Variants in RUFY3 observed in about 807,000 individuals in gnomAD.
RUFY3 encodes RUN and FYVE domain containing 3.
Under a neutral mutation model 84.0 loss-of-function variants are expected in RUFY3, and 34 were observed. The ratio of observed to expected loss-of-function variants is 0.40; its 90% CI spans 0.31 to 0.54. The LOEUF (loss-of-function observed/expected upper bound fraction) is 0.54. Ranked by LOEUF, RUFY3 falls within the 20% of genes least tolerant of loss-of-function variation. The pLI, the probability that RUFY3 is intolerant of heterozygous loss-of-function variation, is 0.39. For synonymous variants in RUFY3, 242 were observed against 252.9 expected (o/e 0.96, Z 0.41); for missense variants, 507 against 736.8 (o/e 0.69, Z 3.61).
At chr4:70,792,034 T>A (rs1730908126) in intron 12 of RUFY3, 1 of 985,456 alleles carries the variant, frequency 1.0e-6, no homozygotes, top group Non-Finnish European at 1.2e-6. Context: ...CTCCTCATGT[T>A]TGTCATCTTC....
At chr4:70,782,143 G>A (rs1235416107) in intron 8 of RUFY3, among the ~76,000 whole-genome samples, 3 of 151,978 alleles carry the variant, frequency 2.0e-5, no homozygotes, top group South Asian at 4.1e-4. Flanking sequence ...GGTGTGACAG[G>A]ACCCCTTTAT....
At chr4:70,767,187 G>C (rs1236765412) in intron 4 of RUFY3, among the ~76,000 whole-genome samples, 1 of 150,780 alleles carries the variant, frequency 6.6e-6, no homozygotes, top group Non-Finnish European at 1.5e-5. Context: ...CCAGGTTCAA[G>C]TGATTGTCCT....
chr4:70,720,302 G>A (rs1057191346), upstream of RUFY3, among the ~76,000 whole-genome samples: 1 of 152,174 alleles, frequency 6.6e-6, no homozygotes, highest in African/African-American at 2.4e-5. Flanking sequence ...ACCTGCCTCA[G>A]CCTCCCAAAG....
intron 2 of RUFY3, among the ~76,000 whole-genome samples, chr4:70,763,029 A>G (rs1243531827): frequency 6.6e-6 from 1 of 152,206 alleles, no homozygotes; most frequent in Non-Finnish European, 1.5e-5. Context: ...AGTAGGTGCT[A>G]GAACTCAGGT....
intron 1 of RUFY3, among the ~76,000 whole-genome samples, chr4:70,732,968 G>A (rs897072686): frequency 5.9e-5 from 9 of 151,894 alleles, no homozygotes; most frequent in African/African-American, 2.2e-4. Flanking sequence ...GTGGGAGGCC[G>A]AGGCAGGAGA....
intron 1 of RUFY3, among the ~76,000 whole-genome samples, chr4:70,714,175 A>C (rs1396350097): frequency 1.3e-5 from 2 of 152,166 alleles, no homozygotes; most frequent in Non-Finnish European, 2.9e-5. Flanking sequence ...TCCAGAGTCC[A>C]CATGCTATGT....
rs1553913784 is a variant in RUFY3 at position 70,765,205 on chromosome 4, A to ATG, written c.572+633_572+634dup. 2.7e-4 allele frequency among the ~76,000 whole-genome samples: 35 copies of ATG among 130,908 alleles called. 2 individuals carry two copies. Among genetic ancestry groups the ATG allele is most frequent in the East Asian group, 1.8e-3 (8 of 4,438 alleles). 85.9% of individuals were successfully genotyped at this position (130,908 alleles called of 152,430 possible). A position where few individuals can be genotyped will look rare whatever the true frequency, so the allele number is the denominator to read the frequency against. On this transcript the variant is annotated intron_variant, in intron 4 of 17. Transcript: ENST00000381006. Reference sequence around the variant, plus strand: ...TCTGTCTCAAAAAAAAAAAAAAAAAATGTGTATATATATATATATATTTGT... The same window carrying ATG: ...TCTGTCTCAAAAAAAAAAAAAAAAAATGTGTGTATATATATATATATATTTGT...
At chr4:70,727,284 G>A (rs1266101737) in intron 1 of RUFY3, among the ~76,000 whole-genome samples, 1 of 147,502 alleles carries the variant, frequency 6.8e-6, no homozygotes, top group Non-Finnish European at 1.5e-5. Flanking sequence ...ATGCTCATAT[G>A]TATCTGAATT....
At chr4:70,793,744 G>A in intron 12 of RUFY3, 41 bp from the exon 13 acceptor site, 1 of 1,613,462 alleles carries the variant, frequency 6.2e-7, no homozygotes, top group Non-Finnish European at 8.5e-7. Flanking sequence ...CCCCACCATG[G>A]CTTTTGTTTT....
Position 70,808,255 on chromosome 4 carries a change from A to C in RUFY3, c.*1596A>C, listed in dbSNP as rs1451868964. On this transcript the variant is annotated 3_prime_UTR_variant, in exon 18 of 18. Coordinates refer to ENST00000381006, the MANE Select transcript of RUFY3 (RefSeq NM_001037442.4). ...GAAGCCATGGATGCAGAACCCATGG[A>C]TATGGAGGGCTGACTGTACTTACTT... Among the ~76,000 whole-genome samples, 1 of 152,104 alleles carries C rather than the reference A, an allele frequency of 6.6e-6. No homozygotes were observed. Among genetic ancestry groups the C allele is most frequent in the Non-Finnish European group, 1.5e-5 (1 of 68,016 alleles).
At chr4:70,773,364 T>C in intron 5 of RUFY3, 147 bp from the exon 6 acceptor site, 1 of 590,794 alleles carries the variant, frequency 1.7e-6, no homozygotes, top group South Asian at 2.5e-5. Context: ...TTGATTAAAC[T>C]GAAAGTAAAA....
intron 4 of RUFY3, among the ~76,000 whole-genome samples, chr4:70,766,057 A>G (rs1461874177): frequency 6.6e-6 from 1 of 151,946 alleles, no homozygotes; most frequent in African/African-American, 2.4e-5. Flanking sequence ...CCAGCCTATT[A>G]ATATCTTTTA....
upstream of RUFY3, among the ~76,000 whole-genome samples, chr4:70,721,310 A>T (rs1259269502): frequency 6.6e-6 from 1 of 152,166 alleles, no homozygotes. Flanking sequence ...GAAAAAAGAA[A>T]AAAAAAGAAA....
At chr4:70,738,298 T>C (rs1405872682) in intron 1 of RUFY3, among the ~76,000 whole-genome samples, 1 of 149,596 alleles carries the variant, frequency 6.7e-6, no homozygotes, top group Non-Finnish European at 1.5e-5. Flanking sequence ...CTTAATTCCT[T>C]GTAAAGCTTA....
At chr4:70,719,900 G>GC (rs1215640691), upstream of RUFY3, among the ~76,000 whole-genome samples, 18 of 152,172 alleles carry the variant, frequency 1.2e-4, no homozygotes, top group Middle Eastern at 3.2e-3. Flanking sequence ...GTGAATATCT[G>GC]TTGAATGAAT....
At chr4:70,714,199 C>T (rs1484197373) in intron 1 of RUFY3, among the ~76,000 whole-genome samples, 1 of 152,162 alleles carries the variant, frequency 6.6e-6, no homozygotes, top group Non-Finnish European at 1.5e-5. Context: ...ACTCTTTCAT[C>T]ACCTCCCGTA....
chr4:70,734,871 G>A (rs866335534), intron 1 of RUFY3, among the ~76,000 whole-genome samples: 1 of 152,046 alleles, frequency 6.6e-6, no homozygotes, highest in South Asian at 2.1e-4. Context: ...TTCTTCTATT[G>A]GTGAGCCTTT....
chr4:70,705,401 C>T (rs992091750), intron 1 of RUFY3: 4 of 781,102 alleles, frequency 5.1e-6, no homozygotes, highest in East Asian at 3.5e-5. Context: ...TGACCCGAGC[C>T]GGGTGGCCGG....
chr4:70,713,238 G>T (rs1741188058), intron 1 of RUFY3, among the ~76,000 whole-genome samples: 3 of 152,124 alleles, frequency 2.0e-5, no homozygotes, highest in Non-Finnish European at 4.4e-5. Context: ...GGCCAGGCTG[G>T]TCTTGAATTC....
Sources: allele counts gnomAD v4.1 joint callset (sites outside exome capture counted in the v4.1 genomes callset), GRCh38; gene constraint gnomAD v4.1.1; transcripts MANE v1.5; gene names NCBI Gene and HGNC (gene_info 2026-07-23, HGNC 2026-07-21).